UBAP2: variants seen among roughly 807,000 people sequenced by gnomAD.
UBAP2 encodes ubiquitin associated protein 2.
UBAP2 carries 75 observed loss-of-function variants against 139.6 expected under a neutral mutation model. The ratio of observed to expected loss-of-function variants is 0.54; its 90% CI spans 0.45 to 0.65. UBAP2 has a LOEUF of 0.65. UBAP2 is among the 30% of genes least tolerant of loss of function. UBAP2 has a pLI of 0.00. For missense variants in UBAP2, 1,368 were observed against 1,369.6 expected (o/e 1.00, Z 0.02); for synonymous variants, 526 against 526.2 (o/e 1.00, Z 0.01).
At chr9:34,039,093 C>T (rs1037770961) in intron 1 of UBAP2, among the ~76,000 whole-genome samples, 2 of 151,976 alleles carry the variant, frequency 1.3e-5, no homozygotes, top group African/African-American at 2.4e-5. Context: ...GCAGCCACCC[C>T]GTCTGGGAAG....
At chr9:33,996,128 C>G in intron 4 of UBAP2, 95 bp downstream of exon 4, 1 of 868,102 alleles carries the variant, frequency 1.2e-6, no homozygotes, top group Non-Finnish European at 1.9e-6. Context: ...GCACCATAAT[C>G]CATTCCATCC....
chr9:33,991,007 G>A (rs1821664629), intron 4 of UBAP2, among the ~76,000 whole-genome samples: 2 of 152,186 alleles, frequency 1.3e-5, no homozygotes, highest in Admixed American at 6.5e-5. Flanking sequence ...CAACGTGGCC[G>A]AGCACACTGG....
chr9:34,008,597 G>C (rs1486697268), intron 2 of UBAP2, among the ~76,000 whole-genome samples: 1 of 148,846 alleles, frequency 6.7e-6, no homozygotes, highest in African/African-American at 2.5e-5. Context: ...AAATCAAAAT[G>C]CAACAGAGAT....
intron 10 of UBAP2, among the ~76,000 whole-genome samples, chr9:33,959,152 C>CA (rs11374381): frequency 0.21 from 28,390 of 138,476 alleles, 3,715 homozygotes; most frequent in African/African-American, 0.39. Flanking sequence ...GGCCCTGTCT[C>CA]AAAAAAAAAA....
At chr9:33,935,919 T>C (rs1824471200) in intron 16 of UBAP2, 41 bp from the exon 17 acceptor site, 1 of 1,591,254 alleles carries the variant, frequency 6.3e-7, no homozygotes, top group Non-Finnish European at 8.5e-7. Context: ...ACTTACAAAA[T>C]GAAATCATTA....
At chr9:33,976,579 C>T (rs844305) in intron 6 of UBAP2, among the ~76,000 whole-genome samples, 9 of 151,956 alleles carry the variant, frequency 5.9e-5, no homozygotes, top group Non-Finnish European at 1.2e-4. Flanking sequence ...TATACTTCTG[C>T]GGTGTGGAAA....
At position 33,929,068 on chromosome 9, in the gene UBAP2, C is replaced by T. The variant is rs1341274081; in HGVS notation, c.2176-1076G>A. Among the ~76,000 whole-genome samples the T allele has an allele frequency of 4.6e-5, 7 of 152,266 alleles. 1 individual carries two copies. The East Asian group carries it at 9.7e-4, about 21-fold the overall frequency. The stretch of plus-strand genomic sequence containing the variant: ...TCAGCACAGATGGGCAGGACCAGGC[C>T]GGAGAGAGCCCCACCAGGAGCGGGC... On this transcript the variant is annotated intron_variant, in intron 19 of 28. Coordinates refer to ENST00000379238, the MANE Select transcript of UBAP2 (RefSeq NM_001370062.2).
At chr9:33,987,123 A>G (rs1821286573) in intron 5 of UBAP2, among the ~76,000 whole-genome samples, 1 of 151,776 alleles carries the variant, frequency 6.6e-6, no homozygotes, top group African/African-American at 2.4e-5. Flanking sequence ...AAAAAATACA[A>G]AAATTGGCCA....
intron 1 of UBAP2, among the ~76,000 whole-genome samples, chr9:34,019,915 A>G (rs1824760417): frequency 2.0e-5 from 3 of 151,928 alleles, no homozygotes; most frequent in African/African-American, 7.3e-5. Context: ...TAATCCTAAC[A>G]CTTTGGGAGG....
At chr9:34,033,316 T>C (rs901710524) in intron 1 of UBAP2, among the ~76,000 whole-genome samples, 5 of 152,152 alleles carry the variant, frequency 3.3e-5, no homozygotes, top group Non-Finnish European at 1.5e-5. Context: ...TGAAACAACG[T>C]GGATAGAACC....
At position 34,048,535 on chromosome 9, in the gene UBAP2, G is replaced by A. The variant is rs569807570; in HGVS notation, c.-42+290C>T. 1.4e-4 allele frequency among the ~76,000 whole-genome samples: 21 copies of A among 152,322 alleles called. 1 individual carries two copies. In the East Asian group the frequency reaches 3.7e-3, roughly 27 times the overall value. Reference sequence around the variant, plus strand: ...CACCCTCCAGGGCAGAAACCCGAAAGGGGGGAGGGGAGGCACCCCTGGGGC... The same window carrying A: ...CACCCTCCAGGGCAGAAACCCGAAAAGGGGGAGGGGAGGCACCCCTGGGGC... On this transcript the variant is annotated intron_variant, in intron 1 of 28. Transcript: ENST00000379238.
chr9:33,962,498 T>C (rs900196541), intron 9 of UBAP2, among the ~76,000 whole-genome samples: 2 of 151,774 alleles, frequency 1.3e-5, no homozygotes, highest in Non-Finnish European at 2.9e-5. Flanking sequence ...CTACAAAAAT[T>C]AGCCAGGCGT....
intron 4 of UBAP2, among the ~76,000 whole-genome samples, chr9:33,990,102 T>C (rs1821572112): frequency 6.6e-6 from 1 of 152,064 alleles, no homozygotes; most frequent in African/African-American, 2.4e-5. Context: ...AGATACTACA[T>C]TCTTGACTAT....
Position 33,941,650 on chromosome 9 carries a change from A to T in UBAP2, c.1928T>A (p.Met643Lys), listed in dbSNP as rs181795355. The T allele has an allele frequency of 1.2e-6, 2 of 1,613,814 alleles. No homozygotes were observed. The highest frequency in any genetic ancestry group is 1.7e-5 in the Admixed American group (1 of 60,012). ...SSSESAPGTI[M>K]NGHGGGRSQQ... ...GAAAAAAACTAAAATACCACTTACCATGATGGTTCCTGGAGCTGACTCTGA... is the reference window on the plus strand; with the variant it reads ...GAAAAAAACTAAAATACCACTTACCTTGATGGTTCCTGGAGCTGACTCTGA... The change falls in exon 16 of 29, where the codon ATG (methionine) becomes AAG (lysine). Residue 643 changes from methionine (M) to lysine (K), a missense_variant and splice_region_variant. Coordinates refer to ENST00000379238, the MANE Select transcript of UBAP2 (RefSeq NM_001370062.2).
chr9:33,943,073 AT>A (rs11322843), intron 15 of UBAP2, among the ~76,000 whole-genome samples: 60,574 of 152,074 alleles, frequency 0.4, 12,447 homozygotes, highest in South Asian at 0.48. Flanking sequence ...AAAATGTGGT[AT>A]TATCAACACA....
chr9:33,975,084 C>T (rs906717234), intron 6 of UBAP2, among the ~76,000 whole-genome samples: 20 of 152,084 alleles, frequency 1.3e-4, no homozygotes, highest in Non-Finnish European at 2.8e-4. Context: ...AAAATACAAT[C>T]CCATATTCAT....
At chr9:33,935,720 G>T in intron 17 of UBAP2, 119 bp downstream of exon 17, 2 of 1,199,468 alleles carry the variant, frequency 1.7e-6, no homozygotes, top group Non-Finnish European at 2.5e-6. Context: ...AAAGCAAAAG[G>T]GCTGCTTTTT....
At chr9:33,983,032 C>T (rs1378236002) in intron 6 of UBAP2, among the ~76,000 whole-genome samples, 2 of 152,030 alleles carry the variant, frequency 1.3e-5, no homozygotes, top group Non-Finnish European at 2.9e-5. Flanking sequence ...CACATGCCAC[C>T]ATACCCAGCT....
chr9:34,008,335 A>C (rs989341268), intron 2 of UBAP2, among the ~76,000 whole-genome samples: 14 of 151,436 alleles, frequency 9.2e-5, no homozygotes, highest in Admixed American at 6.6e-4. Context: ...AAAAAAAAAA[A>C]AGTGGGACAC....
Sources: allele counts gnomAD v4.1 joint callset (sites outside exome capture counted in the v4.1 genomes callset), GRCh38; gene constraint gnomAD v4.1.1; transcripts MANE v1.5; gene names NCBI Gene and HGNC (gene_info 2026-07-23, HGNC 2026-07-21).